The following CACNA1E variants were observed in gnomAD, a reference collection of about 807,000 sequenced individuals.
CACNA1E encodes the protein calcium voltage-gated channel subunit alpha1 E.
Under a neutral mutation model 259.2 loss-of-function variants are expected in CACNA1E, and 40 were observed. That is an observed-to-expected ratio of 0.15 (90% CI 0.12 to 0.20). CACNA1E has a LOEUF of 0.20. Ranked by LOEUF, CACNA1E falls within the 10% of genes least tolerant of loss-of-function variation. CACNA1E has a pLI of 1.00. For synonymous variants in CACNA1E, 1,104 were observed against 1,138.5 expected, an observed-to-expected ratio of 0.97 and a Z score of 0.61; for missense variants, 1,874 against 3,040.1, an observed-to-expected ratio of 0.62 and a Z score of 9.02.
At chr1:181,425,959 G>A (rs1659159521) in intron 2 of CACNA1E, among the ~76,000 whole-genome samples, 1 of 152,084 alleles carries the variant, frequency 6.6e-6, no homozygotes, top group Admixed American at 6.5e-5. Flanking sequence ...GTTCTAAAAA[G>A]GCAGCATTAC....
intron 39 of CACNA1E, 46 bp from the exon 40 acceptor site, chr1:181,783,633 A>G: frequency 1.1e-6 from 1 of 872,340 alleles, no homozygotes; most frequent in Non-Finnish European, 1.8e-6. Flanking sequence ...ATGTCTTTCA[A>G]TTTTTTTTTT....
At chr1:181,722,039 G>T (rs1654457854) in intron 16 of CACNA1E, among the ~76,000 whole-genome samples, 164 bp downstream of exon 16, 1 of 152,198 alleles carries the variant, frequency 6.6e-6, no homozygotes, top group African/African-American at 2.4e-5. Flanking sequence ...AGGACTTTAT[G>T]TACTAGTTGG....
At chr1:181,771,065 T>TTGCGTTCTACGTTATGCTC (rs1429308677) in intron 35 of CACNA1E, among the ~76,000 whole-genome samples, 17 of 152,058 alleles carry the variant, frequency 1.1e-4, no homozygotes, top group Non-Finnish European at 2.2e-4. Flanking sequence ...ACGTTATGCT[T>TTGCGTTCTACGTTATGCTC]GGACCTTGCT....
intron 1 of CACNA1E, among the ~76,000 whole-genome samples, chr1:181,362,305 C>T (rs1213044625): frequency 6.6e-6 from 1 of 152,206 alleles, no homozygotes; most frequent in African/African-American, 2.4e-5. Context: ...CTAGTAGGTG[C>T]AGAAATGGAA....
chr1:181,556,467 G>T (rs1648730117), intron 3 of CACNA1E, among the ~76,000 whole-genome samples: 1 of 152,156 alleles, frequency 6.6e-6, no homozygotes, highest in Non-Finnish European at 1.5e-5. Context: ...TGCTGAAAGG[G>T]ACTCAGAGAG....
chr1:181,530,210 G>A (rs558826186), intron 3 of CACNA1E, among the ~76,000 whole-genome samples: 35 of 152,140 alleles, frequency 2.3e-4, no homozygotes, highest in Middle Eastern at 3.4e-3. Flanking sequence ...TTCTCTTGCC[G>A]CCGCCATGTT....
intron 11 of CACNA1E, among the ~76,000 whole-genome samples, chr1:181,717,769 A>G (rs1349977398): frequency 6.6e-6 from 1 of 152,114 alleles, no homozygotes; most frequent in Admixed American, 6.5e-5. Context: ...GATCAAAGCC[A>G]TAGTAAGTCC....
chr1:181,675,209 T>G (rs150045798), intron 7 of CACNA1E, among the ~76,000 whole-genome samples: 1,675 of 152,182 alleles, frequency 0.011, 17 homozygotes, highest in Non-Finnish European at 0.017. Flanking sequence ...CAGGAAGGAA[T>G]ATATCTGCTT....
intron 26 of CACNA1E, among the ~76,000 whole-genome samples, chr1:181,751,045 C>A (rs1228927436): frequency 6.6e-6 from 1 of 152,096 alleles, no homozygotes; most frequent in Non-Finnish European, 1.5e-5. Context: ...CCTTGCAGTT[C>A]CCACCTGATG....
At chr1:181,359,883 G>A (rs1338687871) in intron 1 of CACNA1E, among the ~76,000 whole-genome samples, 1 of 152,100 alleles carries the variant, frequency 6.6e-6, no homozygotes, top group Non-Finnish European at 1.5e-5. Context: ...CTTTCCTTAC[G>A]ATTGTAGCTA....
intron 7 of CACNA1E, among the ~76,000 whole-genome samples, chr1:181,653,541 G>A (rs974180499): frequency 6.6e-5 from 10 of 152,148 alleles, no homozygotes; most frequent in South Asian, 2.1e-4. Context: ...TTAGCAGCAC[G>A]AAAATGGACT....
chr1:181,801,120 GT>G lies in CACNA1E; in HGVS notation c.*2287del, dbSNP rs965796336. ...CCAAAGTGCTGCTATGGGCTGCTTT[GT>G]GTGCACAAAATTGCTTTTTCCACCT... On this transcript the variant is annotated 3_prime_UTR_variant, in exon 48 of 48. Transcript: ENST00000367573. 3.3e-5 allele frequency: 5 copies of G among 152,596 alleles called. No individual in the cohort carries two copies. The highest frequency in any genetic ancestry group is 9.7e-5 in the African/African-American group (4 of 41,436). The allele number at this position is 152,596 out of a possible 1,614,324, so 9.5% of individuals were successfully genotyped here.
At chr1:181,390,138 T>G (rs533405727) in intron 1 of CACNA1E, among the ~76,000 whole-genome samples, 6 of 152,124 alleles carry the variant, frequency 3.9e-5, no homozygotes, top group Non-Finnish European at 8.8e-5. Flanking sequence ...TAGGCAGGGC[T>G]ATGTGTCCAC....
upstream of CACNA1E, among the ~76,000 whole-genome samples, chr1:181,478,642 GGT>G (rs1558035228): frequency 6.6e-6 from 1 of 152,004 alleles, no homozygotes; most frequent in African/African-American, 2.4e-5. Flanking sequence ...TAACTGGCAG[GGT>G]GGGGGAAGAT....
At chr1:181,422,745 C>A (rs1309960294) in intron 2 of CACNA1E, among the ~76,000 whole-genome samples, 1 of 152,174 alleles carries the variant, frequency 6.6e-6, no homozygotes, top group African/African-American at 2.4e-5. Flanking sequence ...TCCTTGATGT[C>A]TGGTTCCTCA....
intron 6 of CACNA1E, among the ~76,000 whole-genome samples, chr1:181,639,435 G>A (rs919843268): frequency 1.3e-5 from 2 of 152,152 alleles, no homozygotes; most frequent in East Asian, 3.9e-4. Flanking sequence ...TCTCCCCTTC[G>A]ATACATGGAG....
intron 3 of CACNA1E, among the ~76,000 whole-genome samples, chr1:181,518,151 G>A (rs1470952896): frequency 6.6e-6 from 1 of 152,184 alleles, no homozygotes. Flanking sequence ...GCTGAGTGGA[G>A]CAAGGCAAGG....
At chr1:181,598,633 A>G (rs1222188287) in intron 6 of CACNA1E, among the ~76,000 whole-genome samples, 4 of 152,220 alleles carry the variant, frequency 2.6e-5, no homozygotes, top group Non-Finnish European at 5.9e-5. Context: ...CAGGGAAATC[A>G]TCTCATTACT....
intron 1 of CACNA1E, among the ~76,000 whole-genome samples, chr1:181,363,822 T>C (rs1372535712): frequency 6.6e-6 from 1 of 152,130 alleles, no homozygotes; most frequent in Non-Finnish European, 1.5e-5. Context: ...GTTTGGTGCA[T>C]GGAAGTGGTG....
Sources: gnomAD v4.1 joint callset for allele counts (sites outside exome capture counted in the v4.1 genomes callset) on GRCh38, gnomAD v4.1.1 for gene constraint, MANE v1.5 for transcripts, NCBI Gene and HGNC (gene_info 2026-07-23, HGNC 2026-07-21) for gene names.